The following PDX1 variants were observed in gnomAD, a reference collection of about 807,000 sequenced individuals.
PDX1 encodes the protein pancreas/duodenum homeobox protein 1.
Under a neutral mutation model 11.1 loss-of-function variants are expected in PDX1, and 7 were observed. That is an observed-to-expected ratio of 0.63 (90% CI 0.36 to 1.19). The LOEUF is 1.19. Ranked by LOEUF, PDX1 falls within the 50% of genes most tolerant of loss-of-function variation. The pLI, the probability that PDX1 is intolerant of heterozygous loss-of-function variation, is 0.02. For synonymous variants in PDX1, 232 were observed against 196.2 expected, an observed-to-expected ratio of 1.18 and a Z score of -1.53; for missense variants, 449 against 412.1, an observed-to-expected ratio of 1.09 and a Z score of -0.78.
Position 27,924,558 on chromosome 13 carries a change from G to GCGCTGCCGC in PDX1, c.713_721dup (p.Leu238_Pro240dup). 1 of 1,547,652 alleles carries GCGCTGCCGC rather than the reference G, an allele frequency of 6.5e-7. No individual in the cohort carries two copies. On this transcript the variant is annotated inframe_insertion, in exon 2 of 2. Coordinates refer to ENST00000381033, the MANE Select transcript of PDX1 (RefSeq NM_000209.4). The surrounding 1 kb of genome is among the most constrained non-coding windows in gnomAD (Gnocchi z 4.8). ...CGTGACCTCCGGCGAGGAGCTTCTGGCGCTGCCGCCGCCGCCGCCCCCCGG... is the reference window on the plus strand; with the variant it reads ...CGTGACCTCCGGCGAGGAGCTTCTGGCGCTGCCGCCGCTGCCGCCGCCGCCGCCCCCCGG...
chr13:27,921,365 C>G (rs920730346), intron 1 of PDX1, among the ~76,000 whole-genome samples: 2 of 152,228 alleles, frequency 1.3e-5, no homozygotes, highest in African/African-American at 4.8e-5. Flanking sequence ...GCCCTCCGCG[C>G]CGGCAGAGAA....
At chr13:27,921,828 C>T (rs1477809643) in intron 1 of PDX1, among the ~76,000 whole-genome samples, 3 of 152,336 alleles carry the variant, frequency 2.0e-5, no homozygotes, top group East Asian at 1.9e-4. Context: ...CCACCTCCAG[C>T]GAAACCCAGT....
rs1185624926 is a variant in PDX1 at position 27,924,305 on chromosome 13, C to T, written c.456C>T (p.Ala152=). The change falls in exon 2 of 2, where the codon GCC becomes GCT. Residue 152 remains alanine (A), a synonymous_variant. Transcript: ENST00000381033. The surrounding 1 kb of genome is among the most constrained non-coding windows in gnomAD (Gnocchi z 4.8). ...EPEENKRTRT[A]YTRAQLLELE... ...AGGAGAACAAGCGGACGCGCACGGC[C>T]TACACGCGCGCACAGCTGCTAGAGC... 6 of 1,611,840 alleles carry T rather than the reference C, an allele frequency of 3.7e-6. No individual in the cohort carries two copies. The highest frequency in any genetic ancestry group is 5.1e-6 in the Non-Finnish European group (6 of 1,179,724).
intron 1 of PDX1, among the ~76,000 whole-genome samples, chr13:27,921,390 C>T (rs1054426959): frequency 1.3e-5 from 2 of 152,236 alleles, no homozygotes; most frequent in East Asian, 1.9e-4. Flanking sequence ...AGGTCTTTCC[C>T]GGAGCCGGGA....
chr13:27,920,066 A>G lies in PDX1; in HGVS notation c.-73A>G. On this transcript the variant is annotated 5_prime_UTR_variant, in exon 1 of 2. Transcript: ENST00000381033. ...GGGAGTGGGAACGCCACACAGTGCC[A>G]AATCCCCGGCTCCAGCTCCCGACTC... 2 of 1,533,616 alleles carry G rather than the reference A, an allele frequency of 1.3e-6. No individual in the cohort carries two copies. The highest frequency in any genetic ancestry group is 1.8e-6 in the Non-Finnish European group (2 of 1,133,578).
In PDX1 at chr13:27,922,187, T is replaced by C. The variant is rs371285045; in HGVS notation, c.406+1643T>C. On this transcript the variant is annotated intron_variant, in intron 1 of 1. Coordinates refer to ENST00000381033, the MANE Select transcript of PDX1 (RefSeq NM_000209.4). ...ACCTCTGCTCTGGAGGACTTGGGCT[T>C]AGGCTGACCCAAGAAGCCAGAAAGT... Among the ~76,000 whole-genome samples, 9 of 152,334 alleles carry C rather than the reference T, an allele frequency of 5.9e-5. No individual in the cohort carries two copies. In the East Asian group the frequency reaches 1.7e-3, roughly 29 times the overall value.
At chr13:27,923,452 A>G (rs778964297) in intron 1 of PDX1, among the ~76,000 whole-genome samples, 2 of 152,236 alleles carry the variant, frequency 1.3e-5, no homozygotes, top group Non-Finnish European at 2.9e-5. Context: ...TGACCCCCAG[A>G]ACAATATTCC....
Position 27,920,541 on chromosome 13 carries a change from G to T in PDX1, c.403G>T (p.Ala135Ser). The change falls in exon 1 of 2, where the codon GCA becomes TCA. Residue 135 changes from alanine to serine, a missense_variant. Coordinates refer to ENST00000381033, the MANE Select transcript of PDX1 (RefSeq NM_000209.4). ...AGCTCACGCGTGGAAAGGCCAGTGG[G>T]CAGGTAAGCCTGGCTCCCCACCCCT... ...TKAHAWKGQW[A>S]GGAYAAEPEE... 6.2e-7 allele frequency: 1 copy of T among 1,612,988 alleles called. No individual in the cohort carries two copies. Among genetic ancestry groups the T allele is most frequent in the Non-Finnish European group, 8.5e-7 (1 of 1,179,954 alleles).
At chr13:27,921,673 C>G (rs1957788978) in intron 1 of PDX1, among the ~76,000 whole-genome samples, 1 of 152,236 alleles carries the variant, frequency 6.6e-6, no homozygotes, top group Non-Finnish European at 1.5e-5. Flanking sequence ...TGACCCCAGG[C>G]GCAGCCAGGA....
rs1424814640 is a variant in PDX1 at position 27,925,337 on chromosome 13, CCCCTCCTCTTTT to C, written c.*647_*658del. On this transcript the variant is annotated 3_prime_UTR_variant, in exon 2 of 2. Transcript: ENST00000381033. ...CTCTTCCTCCTGCTCTCCTTTCCTCCCCCTCCTCTTTTCCCTCCTCTTCCTCTTCCTCCTGCT... is the reference window on the plus strand; with the variant it reads ...CTCTTCCTCCTGCTCTCCTTTCCTCCCCCTCCTCTTCCTCTTCCTCCTGCT... The C allele has an allele frequency of 6.7e-6, 1 of 149,844 alleles. No individual in the cohort carries two copies. The highest frequency in any genetic ancestry group is 1.4e-5 in the Non-Finnish European group (1 of 72,454). The allele number at this position is 149,844 out of a possible 1,614,324, so 9.3% of individuals were successfully genotyped here. A position where few individuals can be genotyped will look rare whatever the true frequency, so the allele number is the denominator to read the frequency against.
chr13:27,922,106 C>A (rs1957791531), intron 1 of PDX1, among the ~76,000 whole-genome samples: 1 of 152,202 alleles, frequency 6.6e-6, no homozygotes, highest in African/African-American at 2.4e-5. Flanking sequence ...ACATCAGGGT[C>A]CCGAAAGAGG....
In PDX1 at chr13:27,924,706, C is replaced by T. The variant is rs907660995; in HGVS notation, c.*5C>T. 109 of 1,470,742 alleles carry T rather than the reference C, an allele frequency of 7.4e-5. No individual in the cohort carries two copies. The highest frequency in any genetic ancestry group is 9.2e-5 in the Non-Finnish European group (103 of 1,116,334). 91.1% of individuals were successfully genotyped at this position (1,470,742 alleles called of 1,614,324 possible). A position where few individuals can be genotyped will look rare whatever the true frequency, so the allele number is the denominator to read the frequency against. On this transcript the variant is annotated 3_prime_UTR_variant, in exon 2 of 2. Coordinates refer to ENST00000381033, the MANE Select transcript of PDX1 (RefSeq NM_000209.4). This position sits in a 1 kb window ranked among gnomAD's most constrained non-coding sequence, Gnocchi z 4.8. ...CGGCCGCAGGAACCACGATGAGAGG[C>T]AGGAGCTGCTCCTGGCTGAGGGGCT...
At chr13:27,922,267 C>A (rs1238508294) in intron 1 of PDX1, among the ~76,000 whole-genome samples, 5 of 152,168 alleles carry the variant, frequency 3.3e-5, no homozygotes, top group Non-Finnish European at 7.3e-5. Context: ...CCAAGGAGGG[C>A]GACACTCTCG....
Position 27,924,126 on chromosome 13 carries a change from G to A in PDX1, c.407-130G>A. 3 of 735,028 alleles carry A rather than the reference G, an allele frequency of 4.1e-6. No homozygotes were observed. Among genetic ancestry groups the A allele is most frequent in the Non-Finnish European group, 6.4e-6 (3 of 469,052 alleles). 45.5% of individuals were successfully genotyped at this position (735,028 alleles called of 1,614,324 possible). A position where few individuals can be genotyped will look rare whatever the true frequency, so the allele number is the denominator to read the frequency against. On this transcript the variant is annotated intron_variant, in intron 1 of 1. Coordinates refer to ENST00000381033, the MANE Select transcript of PDX1 (RefSeq NM_000209.4). This position sits in a 1 kb window ranked among gnomAD's most constrained non-coding sequence, Gnocchi z 4.8. ...ACTAGGCGCTGAAATGGGATGCTGG[G>A]GCTTGGTGGCTCCGGCGGGAGCAGC... is the stretch of plus-strand genomic sequence containing the variant.
In PDX1 at chr13:27,924,449, G is replaced by A; in HGVS notation, c.600G>A (p.Lys200=). 6.2e-7 allele frequency: 1 copy of A among 1,613,318 alleles called. No homozygotes were observed. Among genetic ancestry groups the A allele is most frequent in the East Asian group, 2.2e-5 (1 of 44,862 alleles). ...TCTGGTTCCAAAACCGCCGCATGAA[G>A]TGGAAAAAGGAGGAGGACAAGAAGC... The part of the protein sequence containing the change: ...IKIWFQNRRM[K]WKKEEDKKRG... Residue 200 remains lysine (K), a synonymous_variant, in exon 2 of 2, where the codon AAG becomes AAA. Transcript: ENST00000381033. This position sits in a 1 kb window ranked among gnomAD's most constrained non-coding sequence, Gnocchi z 4.8.
Position 27,920,614 on chromosome 13 carries a change from A to G in PDX1, c.406+70A>G, listed in dbSNP as rs373337234. 390 of 1,518,840 alleles carry G rather than the reference A, an allele frequency of 2.6e-4. 1 individual carries two copies. The highest frequency in any genetic ancestry group is 4.4e-4 in the Admixed American group (26 of 59,234). 94.1% of individuals were successfully genotyped at this position (1,518,840 alleles called of 1,614,324 possible). A position where few individuals can be genotyped will look rare whatever the true frequency, so the allele number is the denominator to read the frequency against. On this transcript the variant is annotated intron_variant, in intron 1 of 1. Transcript: ENST00000381033. ...GGCCGCCTTACCTCCAAGCGCTCCCAGGAGCCTTCTCTCTGTTCCCGGCGC... is the reference window on the plus strand; with the variant it reads ...GGCCGCCTTACCTCCAAGCGCTCCCGGGAGCCTTCTCTCTGTTCCCGGCGC...
At position 27,920,072 on chromosome 13, in the gene PDX1, C is replaced by T. The variant is rs1160157218; in HGVS notation, c.-67C>T. ...GGGAACGCCACACAGTGCCAAATCC[C>T]CGGCTCCAGCTCCCGACTCCCGGCT... On this transcript the variant is annotated 5_prime_UTR_variant, in exon 1 of 2. Transcript: ENST00000381033. 3 of 1,539,728 alleles carry T rather than the reference C, an allele frequency of 1.9e-6. No individual in the cohort carries two copies. The African/African-American group carries it at 4.1e-5, about 21-fold the overall frequency.
chr13:27,920,574 T>C, intron 1 of PDX1, 30 bp downstream of exon 1: 1 of 1,611,428 alleles, frequency 6.2e-7, no homozygotes, highest in East Asian at 2.2e-5. Flanking sequence ...CCTTTCTCCT[T>C]TCCGGTTCTC....
At position 27,924,591 on chromosome 13, in the gene PDX1, GTGCCGCCCGCTGCCCCCGT is replaced by G. The variant is rs1566025750; in HGVS notation, c.752_770del (p.Ala251GlufsTer49). The G allele has an allele frequency of 6.8e-7, 1 of 1,466,392 alleles. No homozygotes were observed. 90.8% of individuals were successfully genotyped at this position (1,466,392 alleles called of 1,614,324 possible). ...GCCGCCGCCGCCCCCCGGAGGTGCTGTGCCGCCCGCTGCCCCCGTTGCCGCCCGAGAGGGCCGCCTGCCG... is the reference window on the plus strand; with the variant it reads ...GCCGCCGCCGCCCCCCGGAGGTGCTGTGCCGCCCGAGAGGGCCGCCTGCCG... On this transcript the variant is annotated frameshift_variant, in exon 2 of 2. Coordinates refer to ENST00000381033, the MANE Select transcript of PDX1 (RefSeq NM_000209.4). LOFTEE classifies it low-confidence loss of function (END_TRUNC). The surrounding 1 kb of genome is among the most constrained non-coding windows in gnomAD (Gnocchi z 4.8).
Sources: allele counts gnomAD v4.1 joint callset (sites outside exome capture counted in the v4.1 genomes callset), GRCh38; gene constraint gnomAD v4.1.1; non-coding constraint Gnocchi (gnomAD v3.1); transcripts MANE v1.5; gene names NCBI Gene and HGNC (gene_info 2026-07-23, HGNC 2026-07-21).